Variants in PTPN1 observed in about 807,000 individuals in gnomAD.
PTPN1 encodes the protein tyrosine-protein phosphatase non-receptor type 1.
In PTPN1, 12 loss-of-function variants were observed where a neutral mutation model predicts 59.9. The ratio of observed to expected loss-of-function variants is 0.20; its 90% confidence interval spans 0.13 to 0.32. The LOEUF is 0.32. Ranked by LOEUF, PTPN1 falls within the 10% of genes least tolerant of loss-of-function variation. The pLI is 1.00. For missense variants in PTPN1, 356 were observed against 549.2 expected (o/e 0.65, Z 3.52); for synonymous variants, 178 against 203.6 (o/e 0.87, Z 1.07).
Position 50,582,363 on chromosome 20 carries a change from G to A in PTPN1, c.1285-329G>A, listed in dbSNP as rs182171053. On this transcript the variant is annotated intron_variant, in intron 9 of 9. Coordinates refer to ENST00000371621, the MANE Select transcript of PTPN1 (RefSeq NM_002827.4). The surrounding 1 kb of genome is among the most constrained non-coding windows in gnomAD (Gnocchi z 4.2). Reference sequence around the variant, plus strand: ...TTCAGCAGAAATTCACACGTTAGACGTGTGTTGCTGTTAAGTAAGGGGAAG... The same window carrying A: ...TTCAGCAGAAATTCACACGTTAGACATGTGTTGCTGTTAAGTAAGGGGAAG... Among the ~76,000 whole-genome samples, 3 of 152,386 alleles carry A rather than the reference G, an allele frequency of 2.0e-5. No individual in the cohort carries two copies. Among genetic ancestry groups the A allele is most frequent in the Non-Finnish European group, 2.9e-5 (2 of 68,038 alleles).
Position 50,568,901 on chromosome 20 carries a change from G to C in PTPN1, c.354+423G>C, listed in dbSNP as rs116988700. Among the ~76,000 whole-genome samples the C allele has an allele frequency of 0.011, 1,619 of 152,216 alleles. 12 individuals are homozygous for C. The highest frequency in any genetic ancestry group is 0.017 in the Middle Eastern group (5 of 294). The stretch of plus-strand genomic sequence containing the variant: ...GCTACCTCTGCGGAGCTGTGGGAGC[G>C]GCTGACTAGATGAGATTTGCCTCCA... On this transcript the variant is annotated intron_variant, in intron 4 of 9. Coordinates refer to ENST00000371621, the MANE Select transcript of PTPN1 (RefSeq NM_002827.4). The surrounding 1 kb of genome is among the most constrained non-coding windows in gnomAD (Gnocchi z 5.6).
chr20:50,570,983 C>T (rs2082805600), intron 4 of PTPN1: 1 of 152,226 alleles, frequency 6.6e-6, no homozygotes, highest in East Asian at 1.9e-4. Context: ...GTAGCATTTG[C>T]TTCTTATTTA....
intron 1 of PTPN1, among the ~76,000 whole-genome samples, chr20:50,532,597 C>T (rs2082606202): frequency 1.3e-5 from 2 of 152,078 alleles, no homozygotes; most frequent in African/African-American, 2.4e-5. Flanking sequence ...CTGCAGTATT[C>T]CAATTAATAT....
At position 50,510,567 on chromosome 20, in the gene PTPN1, G is replaced by A; in HGVS notation, c.40G>A (p.Gly14Arg). ...EKEFEQIDKS[G>R]SWAAIYQDIR... ...GGAGTTCGAGCAGATCGACAAGTCC[G>A]GGAGCTGGGCGGCCATTTACCAGGT... Residue 14 changes from glycine to arginine, a missense_variant, in exon 1 of 10, where the codon GGG becomes AGG. Around this residue, in one of 3 missense-constraint regions of PTPN1, gnomAD observed 194 missense variants for 344.2 expected, o/e 0.56. Transcript: ENST00000371621. 2 of 1,550,922 alleles carry A rather than the reference G, an allele frequency of 1.3e-6. No homozygotes were observed. The highest frequency in any genetic ancestry group is 1.7e-6 in the Non-Finnish European group (2 of 1,146,656).
intron 4 of PTPN1, 139 bp from the exon 5 acceptor site, chr20:50,574,378 T>C: frequency 1.2e-6 from 1 of 853,142 alleles, no homozygotes; most frequent in Non-Finnish European, 1.7e-6. Flanking sequence ...GGCAGGCATC[T>C]GTGCTGACCA....
At chr20:50,581,898 G>A (rs1016129328) in intron 9 of PTPN1, among the ~76,000 whole-genome samples, 1 of 152,084 alleles carries the variant, frequency 6.6e-6, no homozygotes, top group Non-Finnish European at 1.5e-5. Context: ...ACCCTTAGGT[G>A]ATGTAATCAG....
intron 9 of PTPN1, among the ~76,000 whole-genome samples, chr20:50,581,926 G>A (rs1417024682): frequency 6.6e-6 from 1 of 152,028 alleles, no homozygotes; most frequent in Non-Finnish European, 1.5e-5. Context: ...ATTTATATTT[G>A]ATTTCCCAGG....
At chr20:50,569,633 C>T (rs927625338) in intron 4 of PTPN1, among the ~76,000 whole-genome samples, 34 of 150,132 alleles carry the variant, frequency 2.3e-4, no homozygotes, top group African/African-American at 7.8e-4. Context: ...TGTAGACTGT[C>T]CTGTGTAGAC....
chr20:50,582,608 G>T lies in PTPN1; in HGVS notation c.1285-84G>T. 1.4e-6 allele frequency: 2 copies of T among 1,457,504 alleles called. No individual in the cohort carries two copies. Among genetic ancestry groups the T allele is most frequent in the East Asian group, 2.3e-5 (1 of 42,962 alleles). 90.3% of individuals were successfully genotyped at this position (1,457,504 alleles called of 1,614,324 possible). ...GCTCCCTCGGAGGTTGAAGTTGCCG[G>T]GGGGTGTGGCCGGGGTCATGCATGA... On this transcript the variant is annotated intron_variant, in intron 9 of 9. Transcript: ENST00000371621. The surrounding 1 kb of genome is among the most constrained non-coding windows in gnomAD (Gnocchi z 4.2).
At chr20:50,514,435 T>G (rs932904871) in intron 1 of PTPN1, among the ~76,000 whole-genome samples, 1 of 152,242 alleles carries the variant, frequency 6.6e-6, no homozygotes, top group African/African-American at 2.4e-5. Flanking sequence ...GTTGTGTGAT[T>G]CTTTCCCTTT....
rs753898792 is a variant in PTPN1 at position 50,579,955 on chromosome 20, G to A, written c.1088+29G>A. The stretch of plus-strand genomic sequence containing the variant: ...ATATGATTGGGTCCCAGCTTGTTGG[G>A]GTGAGGGGAAATGACTTTCTGTTCT... On this transcript the variant is annotated intron_variant, in intron 8 of 9. Coordinates refer to ENST00000371621, the MANE Select transcript of PTPN1 (RefSeq NM_002827.4). The A allele has an allele frequency of 3.8e-6, 6 of 1,591,998 alleles. No homozygotes were observed. In the East Asian group the frequency reaches 1.1e-4, roughly 30 times the overall value.
chr20:50,579,970 C>A, intron 8 of PTPN1, 44 bp downstream of exon 8: 1 of 1,559,622 alleles, frequency 6.4e-7, no homozygotes, highest in Non-Finnish European at 8.8e-7. Context: ...GGGGAAATGA[C>A]TTTCTGTTCT....
At chr20:50,522,442 TG>T (rs1168868851) in intron 1 of PTPN1, among the ~76,000 whole-genome samples, 6 of 152,224 alleles carry the variant, frequency 3.9e-5, no homozygotes, top group Non-Finnish European at 7.3e-5. Context: ...CCATTTGTCA[TG>T]TGTCCAACTT....
Position 50,540,486 on chromosome 20 carries a change from A to T in PTPN1, c.64-20877A>T, listed in dbSNP as rs189910075. On this transcript the variant is annotated intron_variant, in intron 1 of 9. Coordinates refer to ENST00000371621, the MANE Select transcript of PTPN1 (RefSeq NM_002827.4). Reference sequence around the variant, plus strand: ...AGAGTGATAACTCATTACCATGAGGACGGCATCAAGCCGTTCATGAAGGAT... The same window carrying T: ...AGAGTGATAACTCATTACCATGAGGTCGGCATCAAGCCGTTCATGAAGGAT... Among the ~76,000 whole-genome samples the T allele has an allele frequency of 1.2e-4, 18 of 152,318 alleles. No individual in the cohort carries two copies. In the East Asian group the frequency reaches 2.1e-3, roughly 18 times the overall value.
Position 50,582,612 on chromosome 20 carries a change from G to T in PTPN1, c.1285-80G>T. The T allele has an allele frequency of 2.0e-6, 3 of 1,487,272 alleles. No homozygotes were observed. Among genetic ancestry groups the T allele is most frequent in the South Asian group, 1.2e-5 (1 of 84,704 alleles). The allele number at this position is 1,487,272 out of a possible 1,614,324, so 92.1% of individuals were successfully genotyped here. A position where few individuals can be genotyped will look rare whatever the true frequency, so the allele number is the denominator to read the frequency against. ...CCTCGGAGGTTGAAGTTGCCGGGGGGTGTGGCCGGGGTCATGCATGAGGCG... is the reference window on the plus strand; with the variant it reads ...CCTCGGAGGTTGAAGTTGCCGGGGGTTGTGGCCGGGGTCATGCATGAGGCG... On this transcript the variant is annotated intron_variant, in intron 9 of 9. Transcript: ENST00000371621. The surrounding 1 kb of genome is among the most constrained non-coding windows in gnomAD (Gnocchi z 4.2).
chr20:50,518,678 T>G (rs1235389416), intron 1 of PTPN1, among the ~76,000 whole-genome samples: 1 of 152,188 alleles, frequency 6.6e-6, no homozygotes, highest in Non-Finnish European at 1.5e-5. Flanking sequence ...TGAACTGAAC[T>G]GTATCTTGAC....
Position 50,568,623 on chromosome 20 carries a change from C to T in PTPN1, c.354+145C>T. On this transcript the variant is annotated intron_variant, in intron 4 of 9. Transcript: ENST00000371621. The surrounding 1 kb of genome is among the most constrained non-coding windows in gnomAD (Gnocchi z 5.6). ...TTATTTAAAAAAATTAAAACAGCAG[C>T]ATATAAATGCATGTTGGTTGTCAAC... 3 of 656,860 alleles carry T rather than the reference C, an allele frequency of 4.6e-6. No individual in the cohort carries two copies. The highest frequency in any genetic ancestry group is 2.9e-5 in the East Asian group (1 of 34,356). The allele number at this position is 656,860 out of a possible 1,614,324, so 40.7% of individuals were successfully genotyped here.
chr20:50,581,533 G>A (rs1230471385), intron 9 of PTPN1, 73 bp downstream of exon 9: 1 of 1,485,942 alleles, frequency 6.7e-7, no homozygotes. Flanking sequence ...CCCGATGGTA[G>A]GATTCAGTTC....
intron 2 of PTPN1, among the ~76,000 whole-genome samples, chr20:50,563,304 C>T (rs2082761881): frequency 6.6e-6 from 1 of 152,172 alleles, no homozygotes; most frequent in Admixed American, 6.5e-5. Flanking sequence ...TAGAAGGTCA[C>T]CTGCTGCCCA....
Sources: gnomAD v4.1 joint callset for allele counts (sites outside exome capture counted in the v4.1 genomes callset) on GRCh38, gnomAD v4.1.1 for gene constraint, gnomAD v4.1.1 regional missense constraint, Gnocchi (gnomAD v3.1) non-coding constraint, MANE v1.5 for transcripts, NCBI Gene and HGNC (gene_info 2026-07-23, HGNC 2026-07-21) for gene names.